EPHA6: variants seen among roughly 807,000 people sequenced by gnomAD.
EPHA6 encodes EPH receptor A6.
In EPHA6, 50 loss-of-function variants were observed where a neutral mutation model predicts 112.0. The observed-to-expected ratio is 0.45, with a 90% CI of 0.36 to 0.56. The LOEUF (loss-of-function observed/expected upper bound fraction) is 0.56, where lower values mean the gene tolerates loss of function less well. EPHA6 is among the 20% of genes least tolerant of loss of function. The probability of loss-of-function intolerance (pLI) is 0.00; values close to 1 mark genes in which losing one functional copy is unlikely to be tolerated. For synonymous variants in EPHA6, 529 were observed against 490.7 expected, an observed-to-expected ratio of 1.08 and a Z score of -1.03; for missense variants, 1,280 against 1,417.4, an observed-to-expected ratio of 0.90 and a Z score of 1.56.
chr3:97,324,417 CTTT>C (rs1559883602), intron 5 of EPHA6, among the ~76,000 whole-genome samples: 1 of 126,898 alleles, frequency 7.9e-6, no homozygotes, highest in Admixed American at 7.9e-5. Context: ...TTCTTTCTTT[CTTT>C]CTTTCTTTCT....
chr3:97,013,740 T>C (rs1165632784), intron 3 of EPHA6, among the ~76,000 whole-genome samples: 1 of 152,188 alleles, frequency 6.6e-6, no homozygotes, highest in African/African-American at 2.4e-5. Flanking sequence ...ATAAAAACTT[T>C]TTATGAAGAT....
chr3:96,969,251 A>G (rs980899041), intron 2 of EPHA6, among the ~76,000 whole-genome samples: 1 of 151,960 alleles, frequency 6.6e-6, no homozygotes, highest in African/African-American at 2.4e-5. Flanking sequence ...AATATGCTAT[A>G]CAAAATTAAA....
intron 14 of EPHA6, among the ~76,000 whole-genome samples, chr3:97,680,702 A>T (rs2031794400): frequency 6.6e-6 from 1 of 152,174 alleles, no homozygotes; most frequent in South Asian, 2.1e-4. Context: ...TCATATCCCC[A>T]GTGTCAAACC....
In EPHA6 at chr3:96,899,042, A is replaced by C. The variant is rs2038450389; in HGVS notation, c.450+32153A>C. On this transcript the variant is annotated intron_variant, in intron 2 of 17. Transcript: ENST00000389672. ...AACTCCATCTCAAAAAAAAAAACAA[A>C]AACAAACAAACAAAAAAAAAACAGG... Among the ~76,000 whole-genome samples the C allele has an allele frequency of 2.1e-5, 3 of 146,184 alleles. No homozygotes were observed. In the South Asian group the frequency reaches 6.4e-4, roughly 31 times the overall value.
At chr3:97,142,094 G>A (rs1332558198) in intron 3 of EPHA6, among the ~76,000 whole-genome samples, 1 of 151,860 alleles carries the variant, frequency 6.6e-6, no homozygotes, top group African/African-American at 2.4e-5. Context: ...AGTCTTGATG[G>A]CTAAAAAGTC....
intron 3 of EPHA6, among the ~76,000 whole-genome samples, chr3:97,095,985 G>A (rs912469035): frequency 4.6e-5 from 7 of 151,880 alleles, no homozygotes; most frequent in African/African-American, 1.7e-4. Flanking sequence ...GATGGCTCAG[G>A]ATGATTCTAG....
intron 12 of EPHA6, among the ~76,000 whole-genome samples, chr3:97,605,693 C>T (rs1250431196): frequency 6.6e-6 from 1 of 151,608 alleles, no homozygotes; most frequent in Non-Finnish European, 1.5e-5. Flanking sequence ...ATACCTCCAG[C>T]TTTGTTCTCT....
At chr3:97,579,017 C>T (rs970675921) in intron 11 of EPHA6, among the ~76,000 whole-genome samples, 4 of 152,186 alleles carry the variant, frequency 2.6e-5, no homozygotes, top group Admixed American at 2.0e-4. Flanking sequence ...GTTTATTTCT[C>T]GACAAGCCTG....
At chr3:97,492,554 A>G (rs2091872498) in intron 10 of EPHA6, among the ~76,000 whole-genome samples, 1 of 58,060 alleles carries the variant, frequency 1.7e-5, no homozygotes, top group Non-Finnish European at 3.2e-5. Context: ...TCTCAAAAAA[A>G]AAAAAAAAAA....
chr3:96,863,588 T>C (rs1273137306), intron 1 of EPHA6, among the ~76,000 whole-genome samples: 2 of 152,020 alleles, frequency 1.3e-5, no homozygotes, highest in African/African-American at 4.8e-5. Flanking sequence ...TTCTGGAAGA[T>C]ACTAAGAAAC....
intron 8 of EPHA6, among the ~76,000 whole-genome samples, chr3:97,478,358 G>T (rs2091435727): frequency 6.6e-6 from 1 of 152,006 alleles, no homozygotes; most frequent in Admixed American, 6.5e-5. Flanking sequence ...ATCTTTGCAG[G>T]CTAAATAAGT....
chr3:97,482,527 T>C (rs186311875), intron 9 of EPHA6, among the ~76,000 whole-genome samples: 2 of 152,324 alleles, frequency 1.3e-5, no homozygotes, highest in African/African-American at 4.8e-5. Flanking sequence ...TGGTGCTAAT[T>C]TGAGAAATAT....
chr3:97,141,362 T>G (rs1387216737), intron 3 of EPHA6, among the ~76,000 whole-genome samples: 1 of 152,044 alleles, frequency 6.6e-6, no homozygotes, highest in Admixed American at 6.6e-5. Context: ...GTTCTACCTA[T>G]CAGCCGCAGA....
intron 3 of EPHA6, among the ~76,000 whole-genome samples, chr3:97,053,675 A>T (rs572083846): frequency 6.6e-6 from 1 of 152,180 alleles, no homozygotes; most frequent in East Asian, 1.9e-4. Context: ...TAAGACACTA[A>T]ATGCACTTTC....
chr3:96,933,400 A>C (rs1173660171), intron 2 of EPHA6, among the ~76,000 whole-genome samples: 1 of 152,096 alleles, frequency 6.6e-6, no homozygotes, highest in Admixed American at 6.6e-5. Flanking sequence ...TACCTAATTA[A>C]TTTTTTAGCT....
intron 3 of EPHA6, among the ~76,000 whole-genome samples, chr3:97,199,567 C>A (rs141773531): frequency 1.1e-4 from 16 of 152,266 alleles, no homozygotes; most frequent in African/African-American, 3.8e-4. Context: ...CCGATAGAGC[C>A]TTGAAATTAG....
At chr3:96,878,201 T>C (rs925928560) in intron 2 of EPHA6, among the ~76,000 whole-genome samples, 10 of 152,014 alleles carry the variant, frequency 6.6e-5, no homozygotes, top group Admixed American at 3.9e-4. Context: ...TTGTATTCTT[T>C]CTGTTGATAA....
chr3:97,525,151 C>G (rs1398624308), intron 10 of EPHA6, among the ~76,000 whole-genome samples: 1 of 151,916 alleles, frequency 6.6e-6, no homozygotes, highest in East Asian at 1.9e-4. Flanking sequence ...TTGATGGTGT[C>G]CCATATATCC....
At chr3:97,595,739 T>G (rs13100606) in intron 12 of EPHA6, among the ~76,000 whole-genome samples, 151,420 of 151,774 alleles carry the variant, frequency 1, 75,534 homozygotes, top group Middle Eastern at 1. Flanking sequence ...ATAAACGAAA[T>G]AAGAGAATGG....
Sources: allele counts gnomAD v4.1 joint callset (sites outside exome capture counted in the v4.1 genomes callset), GRCh38; gene constraint gnomAD v4.1.1; transcripts MANE v1.5; gene names NCBI Gene and HGNC (gene_info 2026-07-23, HGNC 2026-07-21).